NLRP11: variants seen among roughly 807,000 people sequenced by gnomAD.
NLRP11 encodes NACHT, LRR and PYD domains-containing protein 11.
In NLRP11, 53 loss-of-function variants were observed where a neutral mutation model predicts 79.3. The observed-to-expected ratio is 0.67, with a 90% CI of 0.54 to 0.84. NLRP11 has a LOEUF of 0.84. Among genes scored for constraint, NLRP11 ranks in the 40% least tolerant of loss-of-function variants. The pLI is 0.00. For synonymous variants in NLRP11, 518 were observed against 462.6 expected, an observed-to-expected ratio of 1.12 and a Z score of -1.54; for missense variants, 1,264 against 1,255.0, an observed-to-expected ratio of 1.01 and a Z score of -0.11.
intron 1 of NLRP11, among the ~76,000 whole-genome samples, chr19:55,820,730 A>G (rs1381089637): frequency 6.6e-6 from 1 of 152,208 alleles, no homozygotes; most frequent in Non-Finnish European, 1.5e-5. Flanking sequence ...ATGGAATGTG[A>G]AGCCATAAAG....
chr19:55,829,629 T>G (rs1982552793), intron 1 of NLRP11, among the ~76,000 whole-genome samples: 1 of 126,584 alleles, frequency 7.9e-6, no homozygotes, highest in Admixed American at 1.0e-4. Context: ...ATGGCGCCAC[T>G]GCACTCCAGC....
chr19:55,790,234 A>G (rs1397558556), intron 7 of NLRP11, among the ~76,000 whole-genome samples: 1 of 152,212 alleles, frequency 6.6e-6, no homozygotes, highest in African/African-American at 2.4e-5. Context: ...AGCAGTTTTT[A>G]CTGCCTGATA....
chr19:55,794,177 TACAAC>T (rs1978571633), intron 6 of NLRP11, among the ~76,000 whole-genome samples: 1 of 152,236 alleles, frequency 6.6e-6, no homozygotes, highest in Non-Finnish European at 1.5e-5. Context: ...TGTAGTGTTG[TACAAC>T]TCTAAATATG....
At chr19:55,820,755 C>A (rs1239729191) in intron 1 of NLRP11, among the ~76,000 whole-genome samples, 1 of 152,126 alleles carries the variant, frequency 6.6e-6, no homozygotes, top group African/African-American at 2.4e-5. Flanking sequence ...GTTTCTAGGT[C>A]TATATTTGCT....
chr19:55,804,847 G>A (rs780909441), intron 4 of NLRP11, among the ~76,000 whole-genome samples: 12 of 152,048 alleles, frequency 7.9e-5, no homozygotes, highest in South Asian at 2.1e-4. Context: ...GGTGGATCAC[G>A]AGGTCAAGAA....
intron 1 of NLRP11, 128 bp from the exon 2 acceptor site, chr19:55,818,364 G>A: frequency 1.7e-6 from 1 of 582,578 alleles, no homozygotes; most frequent in Non-Finnish European, 3.0e-6. Context: ...CGATAAGTCT[G>A]AACTCTTTCT....
At chr19:55,807,466 T>C (rs10418262) in intron 4 of NLRP11, among the ~76,000 whole-genome samples, 21 of 152,116 alleles carry the variant, frequency 1.4e-4, no homozygotes, top group African/African-American at 5.1e-4. Flanking sequence ...AGAGACTACT[T>C]TCCCAGTCCC....
chr19:55,787,583 C>T (rs1381052168), intron 9 of NLRP11, among the ~76,000 whole-genome samples: 2 of 152,176 alleles, frequency 1.3e-5, no homozygotes, highest in African/African-American at 2.4e-5. Context: ...GTGATCCACC[C>T]GCCTTAGCCT....
At chr19:55,794,675 G>A (rs1978634102) in intron 6 of NLRP11, among the ~76,000 whole-genome samples, 1 of 152,092 alleles carries the variant, frequency 6.6e-6, no homozygotes, top group Non-Finnish European at 1.5e-5. Context: ...CAGGAGAATG[G>A]CGTGAACCCG....
chr19:55,814,451 A>G (rs951144618), intron 2 of NLRP11, among the ~76,000 whole-genome samples: 13 of 152,170 alleles, frequency 8.5e-5, no homozygotes, highest in African/African-American at 2.9e-4. Flanking sequence ...CTTCCGTGAA[A>G]CTGGTGCCAA....
chr19:55,821,533 C>A (rs1388350019), intron 1 of NLRP11, among the ~76,000 whole-genome samples: 1 of 152,256 alleles, frequency 6.6e-6, no homozygotes, highest in Admixed American at 6.5e-5. Flanking sequence ...ACCTGACACA[C>A]AGGGTAACAG....
intron 4 of NLRP11, among the ~76,000 whole-genome samples, chr19:55,805,454 G>A (rs1379350847): frequency 6.6e-6 from 1 of 151,966 alleles, no homozygotes; most frequent in Non-Finnish European, 1.5e-5. Context: ...CCTTTACCTA[G>A]CAATTCTCCT....
chr19:55,829,784 A>T (rs775445678), intron 1 of NLRP11, among the ~76,000 whole-genome samples: 78 of 152,216 alleles, frequency 5.1e-4, no homozygotes, highest in Admixed American at 2.6e-4. Flanking sequence ...TAAACATATT[A>T]GAGGGAAATA....
intron 4 of NLRP11, among the ~76,000 whole-genome samples, chr19:55,802,874 C>T (rs775489551): frequency 6.6e-6 from 1 of 152,058 alleles, no homozygotes; most frequent in Non-Finnish European, 1.5e-5. Context: ...CAACTACAAC[C>T]GTCTGATCTT....
exon 3 of NLRP11, chr19:55,810,168 T>A: frequency 6.2e-7 from 1 of 1,608,038 alleles, no homozygotes; most frequent in Non-Finnish European, 8.5e-7. Context: ...AGGAACACAT[T>A]GAGATTGTTT....
intron 1 of NLRP11, among the ~76,000 whole-genome samples, chr19:55,820,600 G>T (rs1381709084): frequency 6.6e-6 from 1 of 152,170 alleles, no homozygotes; most frequent in Admixed American, 6.5e-5. Flanking sequence ...TTCGTCTCAT[G>T]TATATTTTTG....
rs372266379 is a variant in NLRP11, at chr19:55,809,288, G to A, written c.1322C>T (p.Thr441Ile). The change falls in exon 3 of 10, where the codon ACT becomes ATT. Residue 441 changes from threonine (T) to isoleucine (I), a missense_variant. By Grantham distance (89) the Thr-to-Ile change is moderately conservative. Coordinates refer to ENST00000589093, the Ensembl canonical transcript of NLRP11. The surrounding 1 kb of genome is among the most constrained non-coding windows in gnomAD (Gnocchi z 4.5). The stretch of plus-strand genomic sequence containing the variant: ...TATGAACTTGTAACGGTCTTTATGA[G>A]TGTTGCTCGGCAAAAGAATATTCGC... 42 of 1,613,926 alleles carry A rather than the reference G, an allele frequency of 2.6e-5. No homozygotes were observed. Among genetic ancestry groups the A allele is most frequent in the African/African-American group, 4.0e-5 (3 of 74,924 alleles).
intron 1 of NLRP11, among the ~76,000 whole-genome samples, chr19:55,823,793 T>C (rs1039587510): frequency 3.4e-5 from 5 of 148,748 alleles, no homozygotes; most frequent in African/African-American, 1.2e-4. Context: ...CTGATTGGTG[T>C]ACCTGAAAGT....
upstream of NLRP11, among the ~76,000 whole-genome samples, chr19:55,833,561 C>T (rs892563994): frequency 2.6e-5 from 4 of 151,644 alleles, no homozygotes; most frequent in East Asian, 1.9e-4. Context: ...GTCAGAAGAT[C>T]GAGACCATCC....
Sources: gnomAD v4.1 joint callset for allele counts (sites outside exome capture counted in the v4.1 genomes callset) on GRCh38, gnomAD v4.1.1 for gene constraint, Gnocchi (gnomAD v3.1) non-coding constraint, MANE v1.5 for transcripts, NCBI Gene and HGNC (gene_info 2026-07-23, HGNC 2026-07-21) for gene names.